Variants in DTNA observed in about 807,000 individuals in gnomAD.
The protein encoded by DTNA is dystrobrevin alpha.
DTNA carries 43 observed loss-of-function variants against 100.7 expected under a neutral mutation model. The observed-to-expected ratio is 0.43, with a 90% CI of 0.33 to 0.55. The LOEUF is 0.55. DTNA is among the 20% of genes least tolerant of loss of function. The probability of loss-of-function intolerance (pLI) is 0.04; values close to 1 mark genes in which losing one functional copy is unlikely to be tolerated. For missense variants in DTNA, 798 were observed against 953.9 expected, an observed-to-expected ratio of 0.84 and a Z score of 2.15; for synonymous variants, 349 against 347.9, an observed-to-expected ratio of 1.00 and a Z score of -0.04.
intron 14 of DTNA, among the ~76,000 whole-genome samples, chr18:34,849,443 C>G (rs1221876759): frequency 6.6e-6 from 1 of 152,174 alleles, no homozygotes; most frequent in Non-Finnish European, 1.5e-5. Flanking sequence ...TGTCCCAGCT[C>G]TCCATGACCT....
intron 11 of DTNA, among the ~76,000 whole-genome samples, chr18:34,835,400 G>A (rs2096118421): frequency 6.6e-6 from 1 of 151,828 alleles, no homozygotes; most frequent in Non-Finnish European, 1.5e-5. Context: ...CACTGGCAAG[G>A]GCCAACACAA....
Position 34,820,883 on chromosome 18 carries a change from G to A in DTNA, c.969G>A (p.Gln323=). The A allele has an allele frequency of 6.2e-7, 1 of 1,614,086 alleles. No homozygotes were observed. Among genetic ancestry groups the A allele is most frequent in the Non-Finnish European group, 8.5e-7 (1 of 1,180,008 alleles). The change falls in exon 9 of 23, where the codon CAG becomes CAA. Residue 323 remains glutamine (Q), a synonymous_variant. Transcript: ENST00000444659. ...REPLHPMFPD[Q]PEKPLNLAHI... is the part of the protein sequence containing the mutation. ...CTTTGCACCCCATGTTCCCAGATCA[G>A]CCTGAGAAGCCACTCAACTTGGCTC...
intron 1 of DTNA, among the ~76,000 whole-genome samples, chr18:34,675,063 A>G (rs960011368): frequency 6.6e-6 from 1 of 152,158 alleles, no homozygotes; most frequent in Non-Finnish European, 1.5e-5. Flanking sequence ...GTAAAATTAC[A>G]TAATAGAATT....
At chr18:34,699,802 A>G (rs1463714578) in intron 1 of DTNA, among the ~76,000 whole-genome samples, 1 of 152,242 alleles carries the variant, frequency 6.6e-6, no homozygotes, top group African/African-American at 2.4e-5. Flanking sequence ...TTGGTGAAAC[A>G]GACCCATCCA....
intron 1 of DTNA, among the ~76,000 whole-genome samples, chr18:34,522,825 G>A (rs1018032165): frequency 1.2e-4 from 18 of 152,184 alleles, no homozygotes; most frequent in African/African-American, 4.3e-4. Context: ...TTGCCAATGG[G>A]CACTTTGCCA....
At chr18:34,793,813 A>G (rs1237367025) in intron 3 of DTNA, among the ~76,000 whole-genome samples, 1 of 152,238 alleles carries the variant, frequency 6.6e-6, no homozygotes, top group East Asian at 1.9e-4. Flanking sequence ...GATTGGAAAT[A>G]ACTATCTATT....
chr18:34,886,004 A>G (rs1568910725), intron 22 of DTNA, among the ~76,000 whole-genome samples: 1 of 152,210 alleles, frequency 6.6e-6, no homozygotes, highest in Non-Finnish European at 1.5e-5. Flanking sequence ...TTCAAAGCTA[A>G]TATACCTCTC....
At chr18:34,698,262 C>A (rs1301936636) in intron 1 of DTNA, among the ~76,000 whole-genome samples, 1 of 152,200 alleles carries the variant, frequency 6.6e-6, no homozygotes, top group Non-Finnish European at 1.5e-5. Context: ...GTTGCTGTCA[C>A]AAATTACCAC....
chr18:34,659,655 C>T (rs2074905355), intron 1 of DTNA, among the ~76,000 whole-genome samples: 1 of 151,992 alleles, frequency 6.6e-6, no homozygotes, highest in Non-Finnish European at 1.5e-5. Context: ...CACACACACA[C>T]ACTCATTTAA....
intron 1 of DTNA, among the ~76,000 whole-genome samples, chr18:34,544,052 A>T (rs1485977771): frequency 6.6e-6 from 1 of 152,084 alleles, no homozygotes; most frequent in African/African-American, 2.4e-5. Flanking sequence ...AGGTGTTAGT[A>T]CAGGAAAATA....
chr18:34,519,850 G>A (rs2439855), intron 1 of DTNA, among the ~76,000 whole-genome samples: 123,234 of 152,122 alleles, frequency 0.81, 51,539 homozygotes, highest in East Asian at 0.93. Flanking sequence ...ATCTAAGAAG[G>A]TAAAGAAAGT....
At chr18:34,561,295 G>T (rs2046613995) in intron 1 of DTNA, among the ~76,000 whole-genome samples, 1 of 152,156 alleles carries the variant, frequency 6.6e-6, no homozygotes. Flanking sequence ...GGATCGAGAT[G>T]AAATTTATAA....
chr18:34,777,178 T>C (rs2094103098), intron 3 of DTNA, among the ~76,000 whole-genome samples: 1 of 152,238 alleles, frequency 6.6e-6, no homozygotes. Context: ...CCTTCCCAAC[T>C]TGAGTGTAGG....
intron 1 of DTNA, among the ~76,000 whole-genome samples, chr18:34,744,528 C>A (rs992392121): frequency 6.6e-6 from 1 of 151,122 alleles, no homozygotes; most frequent in African/African-American, 2.4e-5. Flanking sequence ...CACATAGAAA[C>A]GAAGAAGGTG....
chr18:34,519,084 A>G (rs747935023), intron 1 of DTNA, among the ~76,000 whole-genome samples: 20 of 152,102 alleles, frequency 1.3e-4, no homozygotes, highest in Non-Finnish European at 2.8e-4. Flanking sequence ...AACAAAGTGG[A>G]TGGTGATGTT....
intron 1 of DTNA, among the ~76,000 whole-genome samples, chr18:34,503,736 T>C (rs1210390920): frequency 1.3e-5 from 2 of 152,028 alleles, no homozygotes; most frequent in Non-Finnish European, 2.9e-5. Flanking sequence ...TTTCACTGTT[T>C]TTTTTTTCCT....
chr18:34,508,769 A>G (rs2040744890), intron 1 of DTNA, among the ~76,000 whole-genome samples: 1 of 152,168 alleles, frequency 6.6e-6, no homozygotes, highest in Non-Finnish European at 1.5e-5. Flanking sequence ...CTGATGAATA[A>G]TATTTTAGCT....
chr18:34,738,731 T>G (rs1480429), intron 1 of DTNA, among the ~76,000 whole-genome samples: 34,074 of 152,010 alleles, frequency 0.22, 4,523 homozygotes, highest in African/African-American at 0.37. Flanking sequence ...AATGCCAGTC[T>G]GCTTAGTCAT....
chr18:34,703,164 T>C (rs2081619201), intron 1 of DTNA, among the ~76,000 whole-genome samples: 1 of 152,208 alleles, frequency 6.6e-6, no homozygotes, highest in Non-Finnish European at 1.5e-5. Context: ...TCTGTATGTA[T>C]GTATAGAAGA....
Sources: gnomAD v4.1 joint callset for allele counts (sites outside exome capture counted in the v4.1 genomes callset) on GRCh38, gnomAD v4.1.1 for gene constraint, MANE v1.5 for transcripts, NCBI Gene and HGNC (gene_info 2026-07-23, HGNC 2026-07-21) for gene names.